KCNJ6: variants seen among roughly 807,000 people sequenced by gnomAD.
KCNJ6 encodes G protein-activated inward rectifier potassium channel 2.
In KCNJ6, 9 loss-of-function variants were observed where a neutral mutation model predicts 34.2. The observed-to-expected ratio is 0.26, with a 90% CI of 0.16 to 0.46. The LOEUF is 0.46. Ranked by LOEUF, KCNJ6 falls within the 20% of genes least tolerant of loss-of-function variation. The pLI, the probability that KCNJ6 is intolerant of heterozygous loss-of-function variation, is 1.00. For synonymous variants in KCNJ6, 196 were observed against 207.1 expected, an observed-to-expected ratio of 0.95 and a Z score of 0.46; for missense variants, 236 against 531.3, an observed-to-expected ratio of 0.44 and a Z score of 5.46.
At chr21:37,786,525 C>G (rs1209104762) in intron 2 of KCNJ6, among the ~76,000 whole-genome samples, 4 of 152,178 alleles carry the variant, frequency 2.6e-5, no homozygotes, top group Admixed American at 6.5e-5. Flanking sequence ...GTCGTGTGCC[C>G]CACAATTCAG....
At chr21:37,715,936 GACTT>G (rs1281867131) in intron 2 of KCNJ6, among the ~76,000 whole-genome samples, 9 of 152,172 alleles carry the variant, frequency 5.9e-5, no homozygotes, top group African/African-American at 2.2e-4. Context: ...AGCCTGAACT[GACTT>G]ACAACACACT....
chr21:37,847,758 G>A (rs2055516803), intron 1 of KCNJ6, among the ~76,000 whole-genome samples: 2 of 150,528 alleles, frequency 1.3e-5, no homozygotes, highest in Non-Finnish European at 1.5e-5. Context: ...GAGAGAGAGA[G>A]GGAGAGAGAG....
intron 1 of KCNJ6, among the ~76,000 whole-genome samples, chr21:37,872,812 T>C (rs2055659120): frequency 1.3e-5 from 2 of 152,322 alleles, no homozygotes; most frequent in Non-Finnish European, 1.5e-5. Context: ...CGGAGGTAAT[T>C]GAACCATGGG....
chr21:37,723,206 A>C (rs1035026766), intron 2 of KCNJ6, among the ~76,000 whole-genome samples: 2 of 152,258 alleles, frequency 1.3e-5, no homozygotes, highest in African/African-American at 2.4e-5. Flanking sequence ...AGAGAAATGC[A>C]AATGAAAGCC....
At chr21:37,734,615 C>T (rs2054903425) in intron 2 of KCNJ6, among the ~76,000 whole-genome samples, 1 of 152,164 alleles carries the variant, frequency 6.6e-6, no homozygotes, top group Admixed American at 6.5e-5. Flanking sequence ...CTGTCATGAG[C>T]TGATACGAGC....
intron 2 of KCNJ6, among the ~76,000 whole-genome samples, chr21:37,773,744 G>C (rs1160350): frequency 0.52 from 79,485 of 151,984 alleles, 20,960 homozygotes; most frequent in African/African-American, 0.56. Context: ...ACAGTACTAA[G>C]AAATATCATT....
intron 1 of KCNJ6, among the ~76,000 whole-genome samples, chr21:37,903,945 A>T (rs563672499): frequency 1.3e-5 from 2 of 152,332 alleles, no homozygotes; most frequent in African/African-American, 4.8e-5. Context: ...TTATATTGGT[A>T]GAGAGTAACC....
At chr21:37,630,158 G>GTGTGTGTGTGTGTGTGTGTGT (rs1556010880) in intron 3 of KCNJ6, among the ~76,000 whole-genome samples, 18 of 145,776 alleles carry the variant, frequency 1.2e-4, no homozygotes, top group South Asian at 2.2e-4. Flanking sequence ...GTGTGTGTGT[G>GTGTGTGTGTGTGTGTGTGTGT]GTGTTTATGT....
intron 1 of KCNJ6, among the ~76,000 whole-genome samples, chr21:37,861,595 T>C (rs544973829): frequency 2.0e-5 from 3 of 152,318 alleles, no homozygotes; most frequent in African/African-American, 7.2e-5. Context: ...TGGTTAGCCC[T>C]GTATCTCAGC....
At chr21:37,898,284 C>T (rs1205697211) in intron 1 of KCNJ6, among the ~76,000 whole-genome samples, 1 of 152,222 alleles carries the variant, frequency 6.6e-6, no homozygotes, top group African/African-American at 2.4e-5. Context: ...TGCAGAGTGT[C>T]TGTCAAGGAT....
intron 2 of KCNJ6, among the ~76,000 whole-genome samples, chr21:37,814,858 C>T (rs2055338782): frequency 7.0e-6 from 1 of 143,732 alleles, no homozygotes; most frequent in South Asian, 2.2e-4. Context: ...AGATGTGCCA[C>T]TGCACTCCAG....
intron 1 of KCNJ6, among the ~76,000 whole-genome samples, chr21:37,904,380 T>C (rs1431184505): frequency 6.6e-6 from 1 of 152,216 alleles, no homozygotes; most frequent in African/African-American, 2.4e-5. Flanking sequence ...TAGAGAAGAC[T>C]ATCTCAGTGG....
intron 1 of KCNJ6, among the ~76,000 whole-genome samples, chr21:37,842,643 AC>A (rs1383254367): frequency 2.6e-5 from 4 of 152,240 alleles, no homozygotes; most frequent in African/African-American, 7.2e-5. Context: ...GGTTATGTCA[AC>A]ATGCAGAGAA....
Position 37,797,653 on chromosome 21 carries a change from A to G in KCNJ6, c.25+43005T>C, listed in dbSNP as rs374287762. On this transcript the variant is annotated intron_variant, in intron 2 of 3. Coordinates refer to ENST00000609713, the MANE Select transcript of KCNJ6 (RefSeq NM_002240.5). ...ACCACCTACAACAGAGATGAGTGCC[A>G]GATACTCACTTTTCAACATCCTCAC... Among the ~76,000 whole-genome samples the G allele has an allele frequency of 6.6e-5, 10 of 152,146 alleles. No individual in the cohort carries two copies. The East Asian group carries it at 9.7e-4, about 15-fold the overall frequency.
chr21:37,644,871 G>A (rs910198422), intron 3 of KCNJ6, among the ~76,000 whole-genome samples: 1 of 152,126 alleles, frequency 6.6e-6, no homozygotes, highest in Non-Finnish European at 1.5e-5. Flanking sequence ...AGGGAGACTG[G>A]CGAAACAATA....
intron 2 of KCNJ6, among the ~76,000 whole-genome samples, chr21:37,779,402 C>A (rs1280794808): frequency 6.6e-6 from 1 of 152,160 alleles, no homozygotes; most frequent in Non-Finnish European, 1.5e-5. Flanking sequence ...CAAGGTATAG[C>A]AATGAGATGG....
chr21:37,607,482 A>ATATATATATATATATATATTT lies in KCNJ6; in HGVS notation c.*17676_*17677insAAATATATATATATATATATA. ...CTTAAAGATATATATATATATATAT[A>ATATATATATATATATATATTT]TTTTTTTTTTATTTTAAAAAAATTT... On this transcript the variant is annotated 3_prime_UTR_variant, in exon 4 of 4. Transcript: ENST00000609713. 2.3e-4 allele frequency: 32 copies of ATATATATATATATATATATTT among 136,758 alleles called. No individual in the cohort carries two copies. Among genetic ancestry groups the ATATATATATATATATATATTT allele is most frequent in the South Asian group, 1.2e-3 (5 of 4,158 alleles). The allele number at this position is 136,758 out of a possible 1,614,324, so 8.5% of individuals were successfully genotyped here.
intron 3 of KCNJ6, among the ~76,000 whole-genome samples, chr21:37,654,465 T>C (rs528427626): frequency 2.0e-5 from 3 of 152,096 alleles, no homozygotes; most frequent in Admixed American, 6.5e-5. Context: ...CCCATATTGC[T>C]TTCCTCCAGT....
At position 37,607,483 on chromosome 21, in the gene KCNJ6, T is replaced by TATATATATATATATATATATATATATATA. The variant is rs201127739; in HGVS notation, c.*17675_*17676insTATATATATATATATATATATATATATAT. 1 of 92,144 alleles carries TATATATATATATATATATATATATATATA rather than the reference T, an allele frequency of 1.1e-5. No homozygotes were observed. Among genetic ancestry groups the TATATATATATATATATATATATATATATA allele is most frequent in the Non-Finnish European group, 2.2e-5 (1 of 44,690 alleles). 5.7% of individuals were successfully genotyped at this position (92,144 alleles called of 1,614,324 possible). On this transcript the variant is annotated 3_prime_UTR_variant, in exon 4 of 4. Coordinates refer to ENST00000609713, the MANE Select transcript of KCNJ6 (RefSeq NM_002240.5). ...TTAAAGATATATATATATATATATATTTTTTTTTTATTTTAAAAAAATTTG... is the reference window on the plus strand; with the variant it reads ...TTAAAGATATATATATATATATATATATATATATATATATATATATATATATATATTTTTTTTTATTTTAAAAAAATTTG...
Sources: allele counts gnomAD v4.1 joint callset (sites outside exome capture counted in the v4.1 genomes callset), GRCh38; gene constraint gnomAD v4.1.1; transcripts MANE v1.5; gene names NCBI Gene and HGNC (gene_info 2026-07-23, HGNC 2026-07-21).